Variants in MYO3B observed in about 807,000 individuals in gnomAD.
MYO3B encodes myosin-IIIb.
MYO3B carries 156 observed loss-of-function variants against 174.6 expected under a neutral mutation model. The observed-to-expected ratio is 0.89, with a 90% CI of 0.78 to 1.02. The LOEUF (loss-of-function observed/expected upper bound fraction) is 1.02. MYO3B is among the 50% of genes least tolerant of loss of function. The pLI is 0.00. For synonymous variants in MYO3B, 563 were observed against 569.1 expected, an observed-to-expected ratio of 0.99 and a Z score of 0.15; for missense variants, 1,632 against 1,639.4, an observed-to-expected ratio of 1.00 and a Z score of 0.08.
intron 21 of MYO3B, 128 bp from the exon 22 acceptor site, chr2:170,407,587 G>GGATATGAAAGCTCTA: frequency 9.7e-7 from 1 of 1,036,190 alleles, no homozygotes; most frequent in Non-Finnish European, 1.4e-6. Context: ...CTGGTGCTCT[G>GGATATGAAAGCTCTA]GATATGAAAG....
At chr2:170,393,044 C>T (rs1195409641) in intron 16 of MYO3B, among the ~76,000 whole-genome samples, 1 of 151,284 alleles carries the variant, frequency 6.6e-6, no homozygotes, top group Non-Finnish European at 1.5e-5. Flanking sequence ...CCAGGGTACA[C>T]AGTTGCACAT....
rs139642971 is a variant in MYO3B, at chr2:170,195,613, C to T, written c.3-3595C>T. ...GTACCGAGGGCACTGAGCTTGTTAA[C>T]ACTTAAGCCGTCTGTGGACAGCAAA... On this transcript the variant is annotated intron_variant, in intron 1 of 34. Transcript: ENST00000408978. Among the ~76,000 whole-genome samples, 334 of 152,288 alleles carry T rather than the reference C, an allele frequency of 2.2e-3. 1 individual carries two copies. The highest frequency in any genetic ancestry group is 4.8e-3 in the East Asian group (25 of 5,178).
At chr2:170,311,623 GT>G (rs951110607) in intron 7 of MYO3B, among the ~76,000 whole-genome samples, 24 of 150,322 alleles carry the variant, frequency 1.6e-4, no homozygotes, top group African/African-American at 5.4e-4. Context: ...ATGACATCCA[GT>G]TTTTTTTTCT....
At chr2:170,621,094 G>A (rs373267016) in intron 32 of MYO3B, among the ~76,000 whole-genome samples, 4 of 151,940 alleles carry the variant, frequency 2.6e-5, no homozygotes, top group Admixed American at 6.6e-5. Context: ...TCACCATCTC[G>A]GCCAGGCTGG....
intron 8 of MYO3B, among the ~76,000 whole-genome samples, chr2:170,359,498 A>G (rs1430464658): frequency 6.6e-6 from 1 of 152,200 alleles, no homozygotes; most frequent in Non-Finnish European, 1.5e-5. Context: ...AATGTGGCTA[A>G]GAAAGCCCAA....
chr2:170,304,098 A>G (rs905246318), intron 7 of MYO3B, among the ~76,000 whole-genome samples: 1 of 152,104 alleles, frequency 6.6e-6, no homozygotes, highest in Admixed American at 6.6e-5. Flanking sequence ...CATTCTGTGT[A>G]TATTTGTATA....
At chr2:170,255,372 G>C (rs1444088373) in intron 7 of MYO3B, among the ~76,000 whole-genome samples, 1 of 152,086 alleles carries the variant, frequency 6.6e-6, no homozygotes, top group Admixed American at 6.6e-5. Flanking sequence ...CCTGCCCGGA[G>C]CACTGCTGTG....
intron 7 of MYO3B, among the ~76,000 whole-genome samples, chr2:170,284,107 G>C (rs1398402651): frequency 6.6e-6 from 1 of 152,150 alleles, no homozygotes; most frequent in Non-Finnish European, 1.5e-5. Context: ...ATCTAGGCTG[G>C]AGAATGTTTG....
intron 2 of MYO3B, 97 bp downstream of exon 2, chr2:170,199,488 C>T (rs1038627186): frequency 3.0e-6 from 3 of 983,680 alleles, no homozygotes; most frequent in South Asian, 2.3e-5. Context: ...TTTCATGAAA[C>T]CTGGTATGAA....
intron 1 of MYO3B, among the ~76,000 whole-genome samples, chr2:170,197,494 A>G (rs1402178835): frequency 6.6e-6 from 1 of 152,216 alleles, no homozygotes; most frequent in Non-Finnish European, 1.5e-5. Flanking sequence ...TTTTCACTGA[A>G]TGCTACTCTT....
Position 170,586,115 on chromosome 2 carries a change from C to T in MYO3B, c.3733+42127C>T, listed in dbSNP as rs776619532. Among the ~76,000 whole-genome samples the T allele has an allele frequency of 4.6e-5, 7 of 152,250 alleles. No individual in the cohort carries two copies. The East Asian group carries it at 1.2e-3, about 25-fold the overall frequency. ...CTCAGTTAGGAAGCAGCACCTTTGG[C>T]GGAGTGAATTTACTAAGCAGTGGAG... On this transcript the variant is annotated intron_variant, in intron 32 of 34. Coordinates refer to ENST00000408978, the MANE Select transcript of MYO3B (RefSeq NM_138995.5).
intron 32 of MYO3B, among the ~76,000 whole-genome samples, chr2:170,563,574 A>G (rs1004327744): frequency 1.3e-5 from 2 of 152,230 alleles, no homozygotes; most frequent in African/African-American, 4.8e-5. Flanking sequence ...TATACAGGTC[A>G]GTAAAATTGT....
chr2:170,641,873 A>T (rs73976208), intron 32 of MYO3B, among the ~76,000 whole-genome samples: 1 of 18,350 alleles, frequency 5.4e-5, no homozygotes, highest in African/African-American at 3.6e-4. Context: ...GGGGGGGGGG[A>T]GGGGCGGGGA....
At chr2:170,548,030 C>T (rs1690645812) in intron 32 of MYO3B, among the ~76,000 whole-genome samples, 1 of 145,562 alleles carries the variant, frequency 6.9e-6, no homozygotes, top group South Asian at 2.2e-4. Flanking sequence ...TGGTGTGAAC[C>T]CGGGAGGCCG....
At chr2:170,634,818 C>T (rs1177703066) in intron 32 of MYO3B, among the ~76,000 whole-genome samples, 2 of 152,206 alleles carry the variant, frequency 1.3e-5, no homozygotes, top group African/African-American at 4.8e-5. Context: ...TATGAACAGA[C>T]ACTTTTCAAA....
At chr2:170,581,042 G>A (rs1288874050) in intron 32 of MYO3B, among the ~76,000 whole-genome samples, 2 of 152,072 alleles carry the variant, frequency 1.3e-5, no homozygotes, top group Non-Finnish European at 2.9e-5. Context: ...TATCTCCCTA[G>A]GAAGGAATTG....
At chr2:170,360,900 T>G in intron 8 of MYO3B, among the ~76,000 whole-genome samples, 1 of 152,234 alleles carries the variant, frequency 6.6e-6, no homozygotes, top group South Asian at 2.1e-4. Context: ...GATCTTGGAA[T>G]TCTCAGCCGT....
chr2:170,489,669 CTGGGTAAGTG>C (rs373171997), intron 25 of MYO3B, among the ~76,000 whole-genome samples: 2,657 of 89,884 alleles, frequency 0.03, 31 homozygotes, highest in African/African-American at 0.05. Context: ...GTGTGTGTGT[CTGGGTAAGTG>C]TGGGTAAGTG....
At chr2:170,209,782 A>G (rs931331165) in intron 3 of MYO3B, among the ~76,000 whole-genome samples, 4 of 152,252 alleles carry the variant, frequency 2.6e-5, no homozygotes, top group African/African-American at 9.6e-5. Flanking sequence ...TAGCATATAC[A>G]TTAGACATTA....
Sources: allele counts gnomAD v4.1 joint callset (sites outside exome capture counted in the v4.1 genomes callset), GRCh38; gene constraint gnomAD v4.1.1; transcripts MANE v1.5; gene names NCBI Gene and HGNC (gene_info 2026-07-23, HGNC 2026-07-21).